KIF20B: variants seen among roughly 807,000 people sequenced by gnomAD.
KIF20B encodes the protein kinesin-like protein KIF20B.
A neutral mutation model predicts 232.5 loss-of-function variants in KIF20B; 188 were observed. That is an observed-to-expected ratio of 0.81 (90% CI 0.72 to 0.91). The LOEUF (loss-of-function observed/expected upper bound fraction) is 0.91, where lower values mean the gene tolerates loss of function less well. Among genes scored for constraint, KIF20B ranks in the 40% least tolerant of loss-of-function variants. The pLI is 0.00. For missense variants in KIF20B, 2,154 were observed against 2,055.9 expected (o/e 1.05, Z -0.92); for synonymous variants, 712 against 683.0 (o/e 1.04, Z -0.66).
At chr10:89,748,789 A>T (rs1213983241) in intron 23 of KIF20B, among the ~76,000 whole-genome samples, 1 of 152,136 alleles carries the variant, frequency 6.6e-6, no homozygotes, top group Non-Finnish European at 1.5e-5. Context: ...AGTTTTTATC[A>T]TATTTTAATT....
Position 89,719,664 on chromosome 10 carries a change from A to G in KIF20B, c.1680A>G (p.Thr560=), listed in dbSNP as rs752416554. Residue 560 remains threonine (T), a synonymous_variant, in exon 13 of 33, where the codon ACA becomes ACG. Coordinates refer to ENST00000371728, the MANE Select transcript of KIF20B (RefSeq NM_001284259.2). ...TKLLDEDLDK[T]LEENKAFISH... Reference sequence around the variant, plus strand: ...TTCTTGATGAAGATCTAGATAAAACATTAGAGGAAAATAAGGCTTTCATTA... The same window carrying G: ...TTCTTGATGAAGATCTAGATAAAACGTTAGAGGAAAATAAGGCTTTCATTA... The G allele has an allele frequency of 6.2e-7, 1 of 1,610,286 alleles. No individual in the cohort carries two copies. The highest frequency in any genetic ancestry group is 2.2e-5 in the East Asian group (1 of 44,782).
In KIF20B at chr10:89,751,392, A is replaced by G. The variant is rs765975736; in HGVS notation, c.4143A>G (p.Leu1381=). The G allele has an allele frequency of 1.2e-6, 2 of 1,608,032 alleles. No homozygotes were observed. Among genetic ancestry groups the G allele is most frequent in the Non-Finnish European group, 1.7e-6 (2 of 1,176,948 alleles). The change falls in exon 24 of 33, where the codon CTA becomes CTG. Residue 1381 remains leucine (L), a synonymous_variant. Transcript: ENST00000371728. ...EKIIEDMRMT[L]EEQEQTQVEQ... ...TAATTGAAGACATGCGAATGACACT[A>G]GAAGAACAGGAACAAACTCAGGTAG...
chr10:89,765,522 T>G (rs1319232749), intron 29 of KIF20B, among the ~76,000 whole-genome samples: 1 of 152,056 alleles, frequency 6.6e-6, no homozygotes, highest in Non-Finnish European at 1.5e-5. Flanking sequence ...CTTCACAGAA[T>G]TGGAAAAAAC....
intron 23 of KIF20B, among the ~76,000 whole-genome samples, chr10:89,749,447 CAA>C (rs1841981995): frequency 6.6e-6 from 1 of 152,080 alleles, no homozygotes; most frequent in African/African-American, 2.4e-5. Flanking sequence ...TTTCTATTCA[CAA>C]AATTGTACAA....
At chr10:89,717,862 C>T (rs1842966659) in intron 11 of KIF20B, 140 bp downstream of exon 11, 1 of 524,716 alleles carries the variant, frequency 1.9e-6, no homozygotes, top group African/African-American at 1.9e-5. Context: ...GATTCAAGTA[C>T]TTAAGAGATC....
chr10:89,762,146 T>C (rs777072389), intron 28 of KIF20B, among the ~76,000 whole-genome samples: 1 of 152,154 alleles, frequency 6.6e-6, no homozygotes, highest in Non-Finnish European at 1.5e-5. Context: ...ACAGAAGTTG[T>C]AATGCTTCTT....
intron 31 of KIF20B, among the ~76,000 whole-genome samples, chr10:89,772,008 A>G (rs1235213340): frequency 6.6e-6 from 1 of 151,872 alleles, no homozygotes; most frequent in East Asian, 1.9e-4. Context: ...CTTAACAAGT[A>G]GTCTTCTCAA....
chr10:89,718,958 C>A, intron 12 of KIF20B, 86 bp downstream of exon 12: 1 of 820,124 alleles, frequency 1.2e-6, no homozygotes, highest in Non-Finnish European at 1.8e-6. Flanking sequence ...ATACTGTAAG[C>A]CTAGGAAATA....
Position 89,709,515 on chromosome 10 carries a change from G to A in KIF20B, c.351+54G>A. The A allele has an allele frequency of 6.1e-6, 7 of 1,155,182 alleles. No individual in the cohort carries two copies. In the South Asian group the frequency reaches 7.5e-5, roughly 12 times the overall value. The allele number at this position is 1,155,182 out of a possible 1,614,324, so 71.6% of individuals were successfully genotyped here. A position where few individuals can be genotyped will look rare whatever the true frequency, so the allele number is the denominator to read the frequency against. The stretch of plus-strand genomic sequence containing the variant: ...TTTAAAGATAAAGAGACTTGGCTTA[G>A]GCTAAATTGCTATATAATTGTATAT... On this transcript the variant is annotated intron_variant, in intron 4 of 32. Coordinates refer to ENST00000371728, the MANE Select transcript of KIF20B (RefSeq NM_001284259.2).
At chr10:89,705,504 C>CAATG in intron 2 of KIF20B, 63 bp downstream of exon 2, 2 of 1,473,782 alleles carry the variant, frequency 1.4e-6, no homozygotes, top group South Asian at 2.6e-5. Flanking sequence ...GGTTGGCAAA[C>CAATG]AATGGCCTGT....
Position 89,774,239 on chromosome 10 carries a change from T to C in KIF20B, c.*191T>C, listed in dbSNP as rs1219082077. On this transcript the variant is annotated 3_prime_UTR_variant, in exon 33 of 33. Coordinates refer to ENST00000371728, the MANE Select transcript of KIF20B (RefSeq NM_001284259.2). ...ATATTTTTATAAGGCTTTTTTATAA[T>C]AGCTTCTTTCAAACTGTATTTCCCT... is the stretch of plus-strand genomic sequence containing the variant. The C allele has an allele frequency of 2.8e-6, 1 of 360,890 alleles. No homozygotes were observed. Among genetic ancestry groups the C allele is most frequent in the Non-Finnish European group, 5.0e-6 (1 of 198,104 alleles). The allele number at this position is 360,890 out of a possible 1,614,324, so 22.4% of individuals were successfully genotyped here.
intron 23 of KIF20B, among the ~76,000 whole-genome samples, chr10:89,749,961 A>G (rs1048659459): frequency 6.6e-6 from 1 of 152,186 alleles, no homozygotes; most frequent in African/African-American, 2.4e-5. Flanking sequence ...GCTCATAACT[A>G]TCCTTAGATA....
chr10:89,705,268 TAAAG>T, intron 1 of KIF20B, 22 bp from the exon 2 acceptor site: 1 of 1,610,408 alleles, frequency 6.2e-7, no homozygotes, highest in Non-Finnish European at 8.5e-7. Context: ...TTAAGGTTGT[TAAAG>T]AAGTTGCTGT....
chr10:89,754,769 T>G, intron 26 of KIF20B, 96 bp downstream of exon 26: 1 of 1,073,328 alleles, frequency 9.3e-7, no homozygotes, highest in Admixed American at 3.2e-5. Flanking sequence ...GTTTTCTGTT[T>G]TTGGTTTTTT....
intron 18 of KIF20B, 85 bp from the exon 19 acceptor site, chr10:89,732,810 TTTTTATGG>T (rs1564665059): frequency 6.2e-6 from 7 of 1,138,016 alleles, no homozygotes; most frequent in Non-Finnish European, 8.3e-6. Flanking sequence ...GAAAATAAAA[TTTTTATGG>T]TACACCATTG....
chr10:89,711,164 A>C lies in KIF20B; in HGVS notation c.675+19A>C. Reference sequence around the variant, plus strand: ...TAAAGAGGTATGGAAATATTTTAGTATGTAAAATATGTATAATTCCTGACT... The same window carrying C: ...TAAAGAGGTATGGAAATATTTTAGTCTGTAAAATATGTATAATTCCTGACT... On this transcript the variant is annotated intron_variant, in intron 6 of 32. Coordinates refer to ENST00000371728, the MANE Select transcript of KIF20B (RefSeq NM_001284259.2). The C allele has an allele frequency of 7.2e-7, 1 of 1,390,874 alleles. No homozygotes were observed. The highest frequency in any genetic ancestry group is 9.7e-7 in the Non-Finnish European group (1 of 1,027,160). The allele number at this position is 1,390,874 out of a possible 1,614,324, so 86.2% of individuals were successfully genotyped here.
In KIF20B at chr10:89,716,443, A is replaced by G. The variant is rs112084219; in HGVS notation, c.948A>G (p.Gln316=). Residue 316 remains glutamine, a synonymous_variant, in exon 9 of 33, where the codon CAA becomes CAG. Coordinates refer to ENST00000371728, the MANE Select transcript of KIF20B (RefSeq NM_001284259.2). ...CCTCTTTATTTTTTAAAGATCTACAATGGATTCAAGTATCTGATTCCAAAG... is the reference window on the plus strand; with the variant it reads ...CCTCTTTATTTTTTAAAGATCTACAGTGGATTCAAGTATCTGATTCCAAAG... ...VKGYSFIKDL[Q]WIQVSDSKEA... 129 of 1,405,840 alleles carry G rather than the reference A, an allele frequency of 9.2e-5. 1 individual carries two copies. The highest frequency in any genetic ancestry group is 8.5e-4 in the African/African-American group (59 of 69,476). 87.1% of individuals were successfully genotyped at this position (1,405,840 alleles called of 1,614,324 possible). A position where few individuals can be genotyped will look rare whatever the true frequency, so the allele number is the denominator to read the frequency against.
At position 89,762,752 on chromosome 10, in the gene KIF20B, G is replaced by C; in HGVS notation, c.4906G>C (p.Ala1636Pro). ...QFTPLQPNKM[A>P]VKHPGCTTPV... ...TACACCTTTACAGCCAAACAAAATG[G>C]CAGTGAAACACCCTGGTTGTACCAC... Residue 1636 changes from alanine to proline, a missense_variant, in exon 29 of 33, where the codon GCA becomes CCA. Ala to Pro is a conservative substitution (Grantham distance 27). Coordinates refer to ENST00000371728, the MANE Select transcript of KIF20B (RefSeq NM_001284259.2). 1 of 1,613,422 alleles carries C rather than the reference G, an allele frequency of 6.2e-7. No homozygotes were observed. Among genetic ancestry groups the C allele is most frequent in the Non-Finnish European group, 8.5e-7 (1 of 1,179,678 alleles).
intron 13 of KIF20B, 48 bp downstream of exon 13, chr10:89,719,754 G>A (rs1005929839): frequency 1.3e-5 from 18 of 1,413,514 alleles, no homozygotes; most frequent in Middle Eastern, 2.5e-4. Context: ...TTATTCTGAA[G>A]TTAAGGTTAA....
Sources: gnomAD v4.1 joint callset for allele counts (sites outside exome capture counted in the v4.1 genomes callset) on GRCh38, gnomAD v4.1.1 for gene constraint, MANE v1.5 for transcripts, NCBI Gene and HGNC (gene_info 2026-07-23, HGNC 2026-07-21) for gene names.